Variants in LRP1B observed in about 807,000 individuals in gnomAD.
LRP1B encodes the protein LDL receptor related protein 1B.
A neutral mutation model predicts 556.6 loss-of-function variants in LRP1B; 217 were observed. The ratio of observed to expected loss-of-function variants is 0.39; its 90% CI spans 0.35 to 0.44. The LOEUF (loss-of-function observed/expected upper bound fraction) is 0.44. Ranked by LOEUF, LRP1B falls within the 20% of genes least tolerant of loss-of-function variation. The probability of loss-of-function intolerance (pLI) is 1.00; values close to 1 mark genes in which losing one functional copy is unlikely to be tolerated. For missense variants in LRP1B, 5,053 were observed against 5,620.8 expected, an observed-to-expected ratio of 0.90 and a Z score of 3.23; for synonymous variants, 2,047 against 1,865.8, an observed-to-expected ratio of 1.10 and a Z score of -2.50.
At chr2:141,314,096 G>A (rs1163295748) in intron 3 of LRP1B, among the ~76,000 whole-genome samples, 1 of 151,978 alleles carries the variant, frequency 6.6e-6, no homozygotes, top group African/African-American at 2.4e-5. Context: ...GGCCTTAGTT[G>A]AAAACAAAAG....
chr2:141,585,606 T>G (rs927675498), intron 2 of LRP1B, among the ~76,000 whole-genome samples: 1 of 152,122 alleles, frequency 6.6e-6, no homozygotes, highest in African/African-American at 2.4e-5. Context: ...CCTGTGTGTG[T>G]GCCTATTTCA....
intron 7 of LRP1B, among the ~76,000 whole-genome samples, chr2:141,078,945 C>T (rs1699858525): frequency 6.6e-6 from 1 of 152,076 alleles, no homozygotes; most frequent in Admixed American, 6.6e-5. Flanking sequence ...TAATAGAGAC[C>T]TAGGGAGATA....
chr2:141,048,140 C>G (rs983844183), intron 11 of LRP1B, among the ~76,000 whole-genome samples: 58 of 152,150 alleles, frequency 3.8e-4, no homozygotes, highest in African/African-American at 1.3e-3. Context: ...TCGTGATGTC[C>G]TTCATACAAT....
At chr2:141,152,553 A>G (rs766427841) in intron 7 of LRP1B, among the ~76,000 whole-genome samples, 12 of 151,918 alleles carry the variant, frequency 7.9e-5, no homozygotes, top group Non-Finnish European at 1.5e-4. Flanking sequence ...TAGACTCCCA[A>G]TAACTGTCCA....
chr2:142,109,618 T>C lies in LRP1B; in HGVS notation c.82+21030A>G, dbSNP rs536206694. On this transcript the variant is annotated intron_variant, in intron 1 of 90. Coordinates refer to ENST00000389484, the MANE Select transcript of LRP1B (RefSeq NM_018557.3). ...TTAAAAATAATTTTGAGAATACCTATGAATTTATCAGAAATAAAGAATTTT... is the reference window on the plus strand; with the variant it reads ...TTAAAAATAATTTTGAGAATACCTACGAATTTATCAGAAATAAAGAATTTT... 3.9e-5 allele frequency among the ~76,000 whole-genome samples: 6 copies of C among 152,280 alleles called. No individual in the cohort carries two copies. In the East Asian group the frequency reaches 7.7e-4, roughly 20 times the overall value.
rs6741763 is a variant in LRP1B, at chr2:140,869,311, T to G, written c.4170-1048A>C. 8.6e-3 allele frequency among the ~76,000 whole-genome samples: 1,316 copies of G among 152,192 alleles called. 23 individuals are homozygous for G. Among genetic ancestry groups the G allele is most frequent in the African/African-American group, 0.029 (1,205 of 41,538 alleles). ...CATGGGACAAGAGCCTGGAGTTCGCTGAACTGCAGGAGTGAAAGAGCTGTA... is the reference window on the plus strand; with the variant it reads ...CATGGGACAAGAGCCTGGAGTTCGCGGAACTGCAGGAGTGAAAGAGCTGTA... On this transcript the variant is annotated intron_variant, in intron 25 of 90. Coordinates refer to ENST00000389484, the MANE Select transcript of LRP1B (RefSeq NM_018557.3).
chr2:140,475,900 T>C (rs148176291), intron 59 of LRP1B, among the ~76,000 whole-genome samples: 2 of 152,130 alleles, frequency 1.3e-5, no homozygotes, highest in African/African-American at 2.4e-5. Context: ...TCAGTAACCA[T>C]GTGTGTCTAG....
chr2:141,922,046 G>A (rs552184989), intron 1 of LRP1B, among the ~76,000 whole-genome samples: 1 of 151,962 alleles, frequency 6.6e-6, no homozygotes, highest in African/African-American at 2.4e-5. Flanking sequence ...TAAATATTAA[G>A]AAAAAGGTAT....
intron 17 of LRP1B, among the ~76,000 whole-genome samples, 175 bp from the exon 18 acceptor site, chr2:140,982,451 T>C (rs1696800583): frequency 6.6e-6 from 1 of 152,186 alleles, no homozygotes; most frequent in Admixed American, 6.6e-5. Context: ...TTGCTTGTCT[T>C]CTCTAAAGTT....
chr2:140,689,690 T>C (rs1308435479), intron 41 of LRP1B, among the ~76,000 whole-genome samples: 1 of 152,200 alleles, frequency 6.6e-6, no homozygotes, highest in Non-Finnish European at 1.5e-5. Context: ...TTGTGATGGA[T>C]GTGTCAGTTT....
chr2:140,852,683 G>T (rs566441837), intron 27 of LRP1B, among the ~76,000 whole-genome samples: 1 of 152,226 alleles, frequency 6.6e-6, no homozygotes, highest in East Asian at 1.9e-4. Flanking sequence ...GCTAAGGATT[G>T]CTCCACATGT....
At chr2:141,735,219 AAGAC>A (rs1446338515) in intron 2 of LRP1B, among the ~76,000 whole-genome samples, 1 of 151,834 alleles carries the variant, frequency 6.6e-6, no homozygotes, top group East Asian at 1.9e-4. Flanking sequence ...CAAAAATAGA[AAGAC>A]AGATCTGTTG....
intron 3 of LRP1B, among the ~76,000 whole-genome samples, chr2:141,313,746 A>C (rs1178892937): frequency 6.6e-6 from 1 of 152,216 alleles, no homozygotes; most frequent in Non-Finnish European, 1.5e-5. Context: ...AATGTATATA[A>C]AAATAACTTG....
chr2:141,868,912 T>C (rs890634068), intron 1 of LRP1B, among the ~76,000 whole-genome samples: 2 of 152,106 alleles, frequency 1.3e-5, no homozygotes, highest in African/African-American at 4.8e-5. Context: ...AACTTTTACC[T>C]AGAAATAGTA....
At chr2:140,333,153 A>G (rs1373446610) in intron 79 of LRP1B, among the ~76,000 whole-genome samples, 1 of 151,812 alleles carries the variant, frequency 6.6e-6, no homozygotes, top group Non-Finnish European at 1.5e-5. Flanking sequence ...GTACTATTCT[A>G]TTTTCTTAAA....
chr2:141,543,715 A>G (rs1685353701), intron 2 of LRP1B, among the ~76,000 whole-genome samples: 1 of 149,858 alleles, frequency 6.7e-6, no homozygotes, highest in African/African-American at 2.5e-5. Flanking sequence ...AAAGAGCAAG[A>G]TCCTGTCTCT....
At chr2:140,716,158 G>T (rs1460834509) in intron 36 of LRP1B, 56 bp from the exon 37 acceptor site, 2 of 1,253,206 alleles carry the variant, frequency 1.6e-6, no homozygotes, top group Non-Finnish European at 1.1e-6. Flanking sequence ...AAATGTATTT[G>T]TCATGACTAA....
chr2:141,639,291 A>T (rs1689221930), intron 2 of LRP1B, among the ~76,000 whole-genome samples: 1 of 119,282 alleles, frequency 8.4e-6, no homozygotes, highest in Non-Finnish European at 1.7e-5. Context: ...ACCCAGGAGT[A>T]CGCATCATGT....
chr2:141,848,809 A>T (rs955689988), intron 1 of LRP1B, among the ~76,000 whole-genome samples: 4 of 151,522 alleles, frequency 2.6e-5, no homozygotes, highest in African/African-American at 9.7e-5. Context: ...AAATAACGGA[A>T]CAAAATTAAA....
Sources: allele counts gnomAD v4.1 joint callset (sites outside exome capture counted in the v4.1 genomes callset), GRCh38; gene constraint gnomAD v4.1.1; transcripts MANE v1.5; gene names NCBI Gene and HGNC (gene_info 2026-07-23, HGNC 2026-07-21).